The following RFX7 variants were observed in gnomAD, a reference collection of about 807,000 sequenced individuals.
The protein encoded by RFX7 is regulatory factor X7.
Under a neutral mutation model 111.8 loss-of-function variants are expected in RFX7, and 26 were observed. The observed-to-expected ratio is 0.23, with a 90% CI of 0.17 to 0.32. RFX7 has a LOEUF of 0.32. Ranked by LOEUF, RFX7 falls within the 10% of genes least tolerant of loss-of-function variation. The pLI, the probability that RFX7 is intolerant of heterozygous loss-of-function variation, is 1.00. For synonymous variants in RFX7, 624 were observed against 624.4 expected (o/e 1.00, Z 0.01); for missense variants, 1,573 against 1,772.9 (o/e 0.89, Z 2.02).
intron 3 of RFX7, among the ~76,000 whole-genome samples, chr15:56,178,442 A>C (rs374224239): frequency 4.9e-4 from 75 of 152,188 alleles, no homozygotes; most frequent in East Asian, 9.6e-4. Context: ...ACCACCACCA[A>C]CAACAACATA....
At chr15:56,240,993 G>A (rs1443549647) in intron 2 of RFX7, among the ~76,000 whole-genome samples, 1 of 151,956 alleles carries the variant, frequency 6.6e-6, no homozygotes, top group Non-Finnish European at 1.5e-5. Flanking sequence ...ACACTATTAA[G>A]TATATTTACT....
intron 5 of RFX7, among the ~76,000 whole-genome samples, chr15:56,116,752 A>G (rs1348202315): frequency 6.6e-6 from 1 of 152,252 alleles, no homozygotes; most frequent in African/African-American, 2.4e-5. Context: ...GAATGAGCTA[A>G]GAAATTATGG....
Position 56,151,211 on chromosome 15 carries a change from C to T in RFX7, c.196-6728G>A, listed in dbSNP as rs148679365. 4.7e-3 allele frequency among the ~76,000 whole-genome samples: 708 copies of T among 152,234 alleles called. 9 individuals carry two copies. Among genetic ancestry groups the T allele is most frequent in the African/African-American group, 0.016 (662 of 41,526 alleles). ...TCAAATTTAGGAAATACAGAGACCA[C>T]CACAAAGATACTCCTCGAGAAGAGC... On this transcript the variant is annotated intron_variant, in intron 3 of 9. Coordinates refer to ENST00000559447, the MANE Select transcript of RFX7 (RefSeq NM_022841.7).
chr15:56,194,763 G>A (rs2043131752), intron 2 of RFX7, among the ~76,000 whole-genome samples: 1 of 152,070 alleles, frequency 6.6e-6, no homozygotes, highest in South Asian at 2.1e-4. Flanking sequence ...TAAAAATAAT[G>A]GATTCTGTTG....
At chr15:56,230,748 G>A (rs2043545275) in intron 2 of RFX7, among the ~76,000 whole-genome samples, 1 of 152,224 alleles carries the variant, frequency 6.6e-6, no homozygotes, top group Admixed American at 6.5e-5. Context: ...GTGTACTACA[G>A]TAGCTAACGA....
At chr15:56,120,704 G>C (rs2042067025) in intron 5 of RFX7, among the ~76,000 whole-genome samples, 1 of 152,132 alleles carries the variant, frequency 6.6e-6, no homozygotes, top group African/African-American at 2.4e-5. Context: ...ATGAAGAGAT[G>C]TTGAATTTTA....
intron 2 of RFX7, among the ~76,000 whole-genome samples, chr15:56,217,273 A>G (rs1177174953): frequency 6.6e-6 from 1 of 152,338 alleles, no homozygotes; most frequent in East Asian, 1.9e-4. Context: ...TCATTATGCC[A>G]TCTAAAAACA....
At chr15:56,171,619 T>C (rs2042845809) in intron 3 of RFX7, among the ~76,000 whole-genome samples, 1 of 152,166 alleles carries the variant, frequency 6.6e-6, no homozygotes, top group South Asian at 2.1e-4. Flanking sequence ...CAACTTAGTT[T>C]TATCCCCGTG....
intron 5 of RFX7, 67 bp downstream of exon 5, chr15:56,142,711 A>G (rs1014540398): frequency 7.8e-6 from 11 of 1,412,046 alleles, no homozygotes; most frequent in Non-Finnish European, 6.8e-6. Context: ...AAAACAAATC[A>G]CTATGGCCAA....
At chr15:56,240,612 T>C (rs2141247182) in intron 2 of RFX7, among the ~76,000 whole-genome samples, 1 of 152,264 alleles carries the variant, frequency 6.6e-6, no homozygotes, top group South Asian at 2.1e-4. Context: ...GTTTGTGATA[T>C]GCAAGCCCAG....
At chr15:56,113,396 G>A (rs2041964280) in intron 5 of RFX7, among the ~76,000 whole-genome samples, 1 of 152,160 alleles carries the variant, frequency 6.6e-6, no homozygotes, top group South Asian at 2.1e-4. Flanking sequence ...AACTAATGCA[G>A]GAACAGAAAA....
intron 2 of RFX7, among the ~76,000 whole-genome samples, chr15:56,203,023 T>C (rs2141185043): frequency 6.6e-6 from 1 of 151,898 alleles, no homozygotes; most frequent in African/African-American, 2.4e-5. Context: ...ATATCTGCCC[T>C]CCCCCCACCA....
intron 5 of RFX7, among the ~76,000 whole-genome samples, chr15:56,121,576 T>C (rs1466977531): frequency 1.1e-4 from 16 of 152,218 alleles, no homozygotes; most frequent in Admixed American, 9.2e-4. Context: ...TCTCTAGGTT[T>C]TGGAAGTTCT....
At chr15:56,202,401 C>T (rs1413444706) in intron 2 of RFX7, among the ~76,000 whole-genome samples, 1 of 152,158 alleles carries the variant, frequency 6.6e-6, no homozygotes, top group African/African-American at 2.4e-5. Flanking sequence ...ACTTACAACA[C>T]ATCTCAATTT....
rs1595913952 is a variant in RFX7, at chr15:56,087,763, A to G, written c.*5582T>C. On this transcript the variant is annotated 3_prime_UTR_variant, in exon 10 of 10. Transcript: ENST00000559447. ...CTGTGTCTTTTTCATTATATTGCAA[A>G]ATTTCAAAATGGCAGGTGTCTTCTC... 1 of 342,168 alleles carries G rather than the reference A, an allele frequency of 2.9e-6. No individual in the cohort carries two copies. 21.2% of individuals were successfully genotyped at this position (342,168 alleles called of 1,614,324 possible).
chr15:56,104,296 A>T (rs746908537), intron 5 of RFX7, among the ~76,000 whole-genome samples: 4 of 152,202 alleles, frequency 2.6e-5, no homozygotes, highest in Admixed American at 1.3e-4. Context: ...AGACACACCA[A>T]GTCTTAACTA....
At position 56,095,461 on chromosome 15, in the gene RFX7, A is replaced by C. The variant is rs754497736; in HGVS notation, c.2267T>G (p.Ile756Arg). The C allele has an allele frequency of 2.0e-5, 33 of 1,612,276 alleles. No homozygotes were observed. Among genetic ancestry groups the C allele is most frequent in the African/African-American group, 2.7e-5 (2 of 74,950 alleles). The part of the protein sequence containing the change: ...QQTTPSSSPD[I>R]KVKLEGSVFL... ...GACACTTCCTTCAAGTTTTACTTTT[A>C]TATCTGGAGATGATGATGGGGTTGT... The change falls in exon 10 of 10, where the codon ATA (isoleucine) becomes AGA (arginine). Residue 756 changes from isoleucine (I) to arginine (R), a missense_variant. By Grantham distance (97) the Ile-to-Arg change is moderately conservative. This residue lies in a region of RFX7 where 625 missense variants were observed against 632.2 expected (regional missense o/e 0.99). Coordinates refer to ENST00000559447, the MANE Select transcript of RFX7 (RefSeq NM_022841.7).
rs2041553987 is a variant in RFX7 at position 56,088,433 on chromosome 15, A to G, written c.*4912T>C. The G allele has an allele frequency of 2.0e-5, 3 of 152,230 alleles. No individual in the cohort carries two copies. The highest frequency in any genetic ancestry group is 4.8e-5 in the African/African-American group (2 of 41,464). The allele number at this position is 152,230 out of a possible 1,614,324, so 9.4% of individuals were successfully genotyped here. On this transcript the variant is annotated 3_prime_UTR_variant, in exon 10 of 10. Transcript: ENST00000559447. ...AAGAAATACTCTATATACCACAGTA[A>G]TATCACTCTCATGATATATTTTATT...
At chr15:56,139,696 T>G (rs1214679630) in intron 5 of RFX7, among the ~76,000 whole-genome samples, 1 of 152,078 alleles carries the variant, frequency 6.6e-6, no homozygotes, top group Non-Finnish European at 1.5e-5. Context: ...GGCGCTCTGG[T>G]TTTTAGAGTT....
Sources: allele counts gnomAD v4.1 joint callset (sites outside exome capture counted in the v4.1 genomes callset), GRCh38; gene constraint gnomAD v4.1.1; regional missense constraint gnomAD v4.1.1; transcripts MANE v1.5; gene names NCBI Gene and HGNC (gene_info 2026-07-23, HGNC 2026-07-21).